Variants in ADAM11 observed in about 807,000 individuals in gnomAD.
ADAM11 encodes ADAM metallopeptidase domain 11.
ADAM11 carries 49 observed loss-of-function variants against 119.1 expected under a neutral mutation model. The observed-to-expected ratio is 0.41, with a 90% CI of 0.33 to 0.52. The LOEUF (loss-of-function observed/expected upper bound fraction) is 0.52, where lower values mean the gene tolerates loss of function less well. ADAM11 is among the 20% of genes least tolerant of loss of function. The probability of loss-of-function intolerance (pLI) is 0.20; values close to 1 mark genes in which losing one functional copy is unlikely to be tolerated. For synonymous variants in ADAM11, 364 were observed against 408.0 expected, an observed-to-expected ratio of 0.89 and a Z score of 1.30; for missense variants, 777 against 1,047.5, an observed-to-expected ratio of 0.74 and a Z score of 3.56.
At position 44,778,713 on chromosome 17, in the gene ADAM11, A is replaced by AAAAAAAAAAAAAAAAAAAAAAAG. The variant is rs71136047; in HGVS notation, c.2276+471_2276+472insAAAAAAAAAAAAAAAAAAAAAAG. 2.4e-4 allele frequency among the ~76,000 whole-genome samples: 19 copies of AAAAAAAAAAAAAAAAAAAAAAAG among 80,462 alleles called. 3 individuals carry two copies. Among genetic ancestry groups the AAAAAAAAAAAAAAAAAAAAAAAG allele is most frequent in the Non-Finnish European group, 3.3e-4 (15 of 45,596 alleles). 52.8% of individuals were successfully genotyped at this position (80,462 alleles called of 152,430 possible). A position where few individuals can be genotyped will look rare whatever the true frequency, so the allele number is the denominator to read the frequency against. On this transcript the variant is annotated intron_variant, in intron 25 of 26. Coordinates refer to ENST00000200557, the MANE Select transcript of ADAM11 (RefSeq NM_002390.6). ...CAAAAAAAAAAAAAAAAAAAAAAAA[A>AAAAAAAAAAAAAAAAAAAAAAAG]GAAAGAAAGAGAGAAAGAAAAGAAA...
chr17:44,769,970 C>G lies in ADAM11; in HGVS notation c.315-12C>G, dbSNP rs756655426. ...CCCGTGACCCCCCTTCCTGCTGCCC[C>G]CTCTGTCTCAGCCACCTCCTCTCCT... On this transcript the variant is annotated splice_polypyrimidine_tract_variant and intron_variant, in intron 3 of 26. Transcript: ENST00000200557. The G allele has an allele frequency of 6.2e-7, 1 of 1,614,054 alleles. No homozygotes were observed. Among genetic ancestry groups the G allele is most frequent in the South Asian group, 1.1e-5 (1 of 91,090 alleles).
chr17:44,770,011 G>A lies in ADAM11; in HGVS notation c.344G>A (p.Arg115His), dbSNP rs776957152. 3 of 1,614,130 alleles carry A rather than the reference G, an allele frequency of 1.9e-6. No individual in the cohort carries two copies. Among genetic ancestry groups the A allele is most frequent in the Non-Finnish European group, 2.5e-6 (3 of 1,180,028 alleles). ...CTCCTCTCCTCGCAATACGTGGAGC[G>A]CCACTTCAGCCGGGAGGGGACAACC... is the stretch of plus-strand genomic sequence containing the variant. The part of the protein sequence containing the change: ...HHLLSSQYVE[R>H]HFSREGTTQH... The change falls in exon 4 of 27, where the codon CGC (arginine) becomes CAC (histidine). Residue 115 changes from arginine (R) to histidine (H), a missense_variant. By Grantham distance (29) the Arg-to-His change is conservative (BLOSUM62 0). Coordinates refer to ENST00000200557, the MANE Select transcript of ADAM11 (RefSeq NM_002390.6).
Position 44,759,815 on chromosome 17 carries a change from G to A in ADAM11, c.155G>A (p.Arg52His). The change falls in exon 2 of 27, where the codon CGT becomes CAT. Residue 52 changes from arginine (R) to histidine (H), a missense_variant. Arg to His is a conservative substitution (Grantham distance 29). Transcript: ENST00000200557. ...PGAPEVTEPSRLVRESSGGEV... is the reference protein window; with the variant it reads ...PGAPEVTEPSHLVRESSGGEV... ...GCCCCTGAGGTCACGGAACCCAGCC[G>A]TCTGGTTAGGGAGAGCTCCGGGGGA... is the stretch of plus-strand genomic sequence containing the variant. The A allele has an allele frequency of 7.6e-7, 1 of 1,319,072 alleles. No individual in the cohort carries two copies. The highest frequency in any genetic ancestry group is 9.7e-7 in the Non-Finnish European group (1 of 1,026,160). The allele number at this position is 1,319,072 out of a possible 1,614,324, so 81.7% of individuals were successfully genotyped here. A position where few individuals can be genotyped will look rare whatever the true frequency, so the allele number is the denominator to read the frequency against.
rs1436188603 is a variant in ADAM11, at chr17:44,781,266, G to A, written c.*1512G>A. 3.9e-5 allele frequency: 6 copies of A among 152,190 alleles called. No homozygotes were observed. Among genetic ancestry groups the A allele is most frequent in the African/African-American group, 1.4e-4 (6 of 41,440 alleles). The allele number at this position is 152,190 out of a possible 1,614,324, so 9.4% of individuals were successfully genotyped here. A position where few individuals can be genotyped will look rare whatever the true frequency, so the allele number is the denominator to read the frequency against. ...CCCTGTTTATTCACAACACCCTCAG[G>A]GGCAAACAGGCCTGGGACCCGCTGA... On this transcript the variant is annotated 3_prime_UTR_variant, in exon 27 of 27. Coordinates refer to ENST00000200557, the MANE Select transcript of ADAM11 (RefSeq NM_002390.6).
At position 44,771,837 on chromosome 17, in the gene ADAM11, C is replaced by T; in HGVS notation, c.543+6C>T. The T allele has an allele frequency of 6.3e-7, 1 of 1,598,038 alleles. No homozygotes were observed. The highest frequency in any genetic ancestry group is 8.6e-7 in the Non-Finnish European group (1 of 1,168,800). On this transcript the variant is annotated splice_donor_region_variant and intron_variant, in intron 6 of 26. Transcript: ENST00000200557. ...GACCTTGGGGAGCCCCTCAGGTAAG[C>T]CCCACACAACCCCTTGCCATCCTCT...
intron 2 of ADAM11, among the ~76,000 whole-genome samples, chr17:44,763,948 C>T (rs557540924): frequency 6.6e-6 from 1 of 152,296 alleles, no homozygotes; most frequent in East Asian, 1.9e-4. Flanking sequence ...AACTCCTGAT[C>T]TCAAGTGATC....
At position 44,776,650 on chromosome 17, in the gene ADAM11, A is replaced by G. The variant is rs1030702660; in HGVS notation, c.1567-95A>G. On this transcript the variant is annotated intron_variant, in intron 18 of 26. Transcript: ENST00000200557. The surrounding 1 kb of genome is among the most constrained non-coding windows in gnomAD (Gnocchi z 5.2). ...AAGAGCCCTGTGGCATGAGCCCCCA[A>G]TGGGGGGCACTTGGTACCCCAGCAT... 205 of 1,472,908 alleles carry G rather than the reference A, an allele frequency of 1.4e-4. No individual in the cohort carries two copies. Among genetic ancestry groups the G allele is most frequent in the Non-Finnish European group, 1.8e-4 (197 of 1,076,156 alleles). The allele number at this position is 1,472,908 out of a possible 1,614,324, so 91.2% of individuals were successfully genotyped here.
chr17:44,773,064 CGT>C lies in ADAM11; in HGVS notation c.806_807del (p.Val269GlyfsTer35), dbSNP rs1567692532. 6.2e-7 allele frequency: 1 copy of C among 1,613,772 alleles called. No individual in the cohort carries two copies. Among genetic ancestry groups the C allele is most frequent in the African/African-American group, 1.3e-5 (1 of 74,836 alleles). ...VVLTSNFAKS[V>X]VNLADVIYKE... ...TCCTCACCAGCAACTTTGCCAAGTC[CGT>C]GGTGAACCTGGCCGATGTGGTAAGC... On this transcript the variant is annotated frameshift_variant, in exon 10 of 27. Coordinates refer to ENST00000200557, the MANE Select transcript of ADAM11 (RefSeq NM_002390.6). LOFTEE classifies it high-confidence loss of function. This position sits in a 1 kb window ranked among gnomAD's most constrained non-coding sequence, Gnocchi z 4.6.
rs768987419 is a variant in ADAM11, at chr17:44,776,729, A to G, written c.1567-16A>G. The G allele has an allele frequency of 4.3e-6, 7 of 1,612,678 alleles. No homozygotes were observed. In the South Asian group the frequency reaches 7.7e-5, roughly 18 times the overall value. On this transcript the variant is annotated splice_polypyrimidine_tract_variant and intron_variant, in intron 18 of 26. Coordinates refer to ENST00000200557, the MANE Select transcript of ADAM11 (RefSeq NM_002390.6). This position sits in a 1 kb window ranked among gnomAD's most constrained non-coding sequence, Gnocchi z 5.2. ...TCCTGGGACTGCTCCGCTCAACCCC[A>G]CCCCTCTCTCCACAGTGCCCGCCTA... is the stretch of plus-strand genomic sequence containing the variant.
chr17:44,780,334 C>T lies in ADAM11; in HGVS notation c.*580C>T, dbSNP rs902811883. On this transcript the variant is annotated 3_prime_UTR_variant, in exon 27 of 27. Transcript: ENST00000200557. Reference sequence around the variant, plus strand: ...GACCCTCCCCAAGGATGACCACACCCGAAGTCCTGTCACTGAGCACAGTCA... The same window carrying T: ...GACCCTCCCCAAGGATGACCACACCTGAAGTCCTGTCACTGAGCACAGTCA... The T allele has an allele frequency of 2.4e-4, 84 of 355,980 alleles. No homozygotes were observed. The highest frequency in any genetic ancestry group is 9.6e-4 in the Middle Eastern group (1 of 1,038). The allele number at this position is 355,980 out of a possible 1,614,324, so 22.1% of individuals were successfully genotyped here.
Position 44,774,570 on chromosome 17 carries a change from C to A in ADAM11, c.1156C>A (p.Arg386=), listed in dbSNP as rs749749794. The A allele has an allele frequency of 2.4e-5, 39 of 1,613,158 alleles. No individual in the cohort carries two copies. The highest frequency in any genetic ancestry group is 4.0e-5 in the African/African-American group (3 of 75,054). Residue 386 remains arginine (R), a synonymous_variant, in exon 13 of 27, where the codon CGG becomes AGG. Coordinates refer to ENST00000200557, the MANE Select transcript of ADAM11 (RefSeq NM_002390.6). The part of the protein sequence containing the change: ...QNLGMMWNKH[R]SSAGDCKCPD... ...CCTGGGCATGATGTGGAACAAACAC[C>A]GGAGCTCGGCAGGTATCCTCCCCCA...
rs2049654192 is a variant in ADAM11, at chr17:44,779,143, G to T, written c.2277-79G>T. 2.0e-6 allele frequency: 3 copies of T among 1,538,302 alleles called. No individual in the cohort carries two copies. The Admixed American group carries it at 6.8e-5, about 35-fold the overall frequency. Reference sequence around the variant, plus strand: ...CTCTGGGGCAAGGGGTCGCATGGCAGCCAAAGGCCCCTCCCTGAGAGAAGC... The same window carrying T: ...CTCTGGGGCAAGGGGTCGCATGGCATCCAAAGGCCCCTCCCTGAGAGAAGC... On this transcript the variant is annotated intron_variant, in intron 25 of 26. Coordinates refer to ENST00000200557, the MANE Select transcript of ADAM11 (RefSeq NM_002390.6).
chr17:44,763,964 G>T (rs576027565), intron 2 of ADAM11, among the ~76,000 whole-genome samples: 1 of 152,214 alleles, frequency 6.6e-6, no homozygotes, highest in African/African-American at 2.4e-5. Context: ...TGATCCACCC[G>T]CCTTGGCCTC....
In ADAM11 at chr17:44,777,102, C is replaced by G; in HGVS notation, c.1682-64C>G. 6.5e-7 allele frequency: 1 copy of G among 1,545,286 alleles called. No individual in the cohort carries two copies. The highest frequency in any genetic ancestry group is 8.8e-7 in the Non-Finnish European group (1 of 1,139,486). On this transcript the variant is annotated intron_variant, in intron 20 of 26. Coordinates refer to ENST00000200557, the MANE Select transcript of ADAM11 (RefSeq NM_002390.6). This position sits in a 1 kb window ranked among gnomAD's most constrained non-coding sequence, Gnocchi z 5.1. ...GGACCCAGGCAGAGTGTGGGAGATG[C>G]AGGCCTGAGGTCTTGGGGTGGGTCC...
In ADAM11 at chr17:44,775,634, C is replaced by G; in HGVS notation, c.1443C>G (p.His481Gln). The G allele has an allele frequency of 6.3e-7, 1 of 1,592,916 alleles. No individual in the cohort carries two copies. The highest frequency in any genetic ancestry group is 8.5e-7 in the Non-Finnish European group (1 of 1,170,968). ...GNCCKKCTLT[H>Q]DAMCSDGLCC... ...GCTGCAAGAAATGCACCCTGACTCA[C>G]GACGCCATGTGCAGCGACGGGCTCT... The change falls in exon 17 of 27, where the codon CAC becomes CAG. Residue 481 changes from histidine (H) to glutamine (Q), a missense_variant. Transcript: ENST00000200557. This position sits in a 1 kb window ranked among gnomAD's most constrained non-coding sequence, Gnocchi z 7.5.
rs772238067 is a variant in ADAM11 at position 44,777,464 on chromosome 17, C to T, written c.1782-18C>T. Reference sequence around the variant, plus strand: ...TGAGGTCAAACTTGGGGCTCACTGTCTCTATATGCCCCAACAGGGACGTGC... The same window carrying T: ...TGAGGTCAAACTTGGGGCTCACTGTTTCTATATGCCCCAACAGGGACGTGC... On this transcript the variant is annotated intron_variant, in intron 21 of 26. Transcript: ENST00000200557. This position sits in a 1 kb window ranked among gnomAD's most constrained non-coding sequence, Gnocchi z 5.1. 14 of 1,612,166 alleles carry T rather than the reference C, an allele frequency of 8.7e-6. No individual in the cohort carries two copies. Among genetic ancestry groups the T allele is most frequent in the Middle Eastern group, 3.3e-4 (2 of 6,078 alleles).
intron 26 of ADAM11, 54 bp from the exon 27 acceptor site, chr17:44,779,685 C>G (rs911959742): frequency 5.8e-6 from 9 of 1,561,824 alleles, no homozygotes; most frequent in African/African-American, 4.2e-5. Flanking sequence ...TGCTGGGGGG[C>G]TCTCCCCGTG....
rs1231410947 is a variant in ADAM11, at chr17:44,759,251, C to T, written c.52C>T (p.Pro18Ser). ...AFAALLLSLL[P>S]TPGLGTQGPA... ...CGCGGCTCTGCTGCTGTCGCTGCTC[C>T]CCACGCCCGGTGAGTGACCCCCGCC... Residue 18 changes from proline to serine, a missense_variant, in exon 1 of 27, where the codon CCC (proline) becomes TCC (serine). By Grantham distance (74) the Pro-to-Ser change is moderately conservative. Around this residue, in one of 4 missense-constraint regions of ADAM11, gnomAD observed 278 missense variants for 310.1 expected, o/e 0.90. Coordinates refer to ENST00000200557, the MANE Select transcript of ADAM11 (RefSeq NM_002390.6). 1.2e-5 allele frequency: 17 copies of T among 1,431,692 alleles called. No individual in the cohort carries two copies. The highest frequency in any genetic ancestry group is 1.6e-5 in the Non-Finnish European group (17 of 1,092,972). 88.7% of individuals were successfully genotyped at this position (1,431,692 alleles called of 1,614,324 possible).
rs918614524 is a variant in ADAM11 at position 44,777,387 on chromosome 17, A to G, written c.1782-95A>G. 6.5e-7 allele frequency: 1 copy of G among 1,530,158 alleles called. No individual in the cohort carries two copies. The highest frequency in any genetic ancestry group is 9.0e-7 in the Non-Finnish European group (1 of 1,112,160). 94.8% of individuals were successfully genotyped at this position (1,530,158 alleles called of 1,614,324 possible). ...GTCCCAATGGGCGGGCACGTGGCAA[A>G]TGAGGTGGCAGGGTGCAGGGTGAGG... On this transcript the variant is annotated intron_variant, in intron 21 of 26. Coordinates refer to ENST00000200557, the MANE Select transcript of ADAM11 (RefSeq NM_002390.6). This position sits in a 1 kb window ranked among gnomAD's most constrained non-coding sequence, Gnocchi z 5.1.
Sources: gnomAD v4.1 joint callset for allele counts (sites outside exome capture counted in the v4.1 genomes callset) on GRCh38, gnomAD v4.1.1 for gene constraint, gnomAD v4.1.1 regional missense constraint, Gnocchi (gnomAD v3.1) non-coding constraint, MANE v1.5 for transcripts, NCBI Gene and HGNC (gene_info 2026-07-23, HGNC 2026-07-21) for gene names.